The following LNX1 variants were observed in gnomAD, a reference collection of about 807,000 sequenced individuals.
The protein encoded by LNX1 is E3 ubiquitin-protein ligase LNX.
A neutral mutation model predicts 68.4 loss-of-function variants in LNX1; 54 were observed. The observed-to-expected ratio is 0.79, with a 90% CI of 0.63 to 0.99. LNX1 has a LOEUF of 0.99. LNX1 is among the 50% of genes least tolerant of loss of function. The pLI is 0.00. For synonymous variants in LNX1, 336 were observed against 350.0 expected, an observed-to-expected ratio of 0.96 and a Z score of 0.45; for missense variants, 906 against 926.4, an observed-to-expected ratio of 0.98 and a Z score of 0.29.
intron 1 of LNX1, among the ~76,000 whole-genome samples, chr4:53,645,651 C>T (rs957116486): frequency 3.1e-4 from 47 of 152,252 alleles, no homozygotes; most frequent in African/African-American, 1.1e-3. Context: ...GTTCATTCTC[C>T]CAAATACTCT....
At chr4:53,565,115 T>G (rs4256280) in intron 2 of LNX1, among the ~76,000 whole-genome samples, 88,220 of 151,160 alleles carry the variant, frequency 0.58, 26,129 homozygotes, top group Non-Finnish European at 0.63. Flanking sequence ...AAACAAAGCA[T>G]CCTGGAAGCT....
intron 2 of LNX1, among the ~76,000 whole-genome samples, chr4:53,570,914 C>A (rs1731115429): frequency 6.6e-6 from 1 of 151,604 alleles, no homozygotes; most frequent in Non-Finnish European, 1.5e-5. Context: ...GTAGTCCCAA[C>A]TACTCTGGAG....
At chr4:53,625,013 A>G (rs1300310162) in intron 1 of LNX1, among the ~76,000 whole-genome samples, 1 of 152,196 alleles carries the variant, frequency 6.6e-6, no homozygotes, top group Non-Finnish European at 1.5e-5. Context: ...TGTTTTAAAA[A>G]GATTTATATA....
At chr4:53,558,275 G>A in intron 2 of LNX1, 2 of 1,142,654 alleles carry the variant, frequency 1.8e-6, no homozygotes, top group Non-Finnish European at 2.2e-6. Context: ...GATGCGGACT[G>A]GTTCTTGGGA....
chr4:53,630,307 T>C (rs77649474), intron 1 of LNX1, among the ~76,000 whole-genome samples: 1 of 152,224 alleles, frequency 6.6e-6, no homozygotes, highest in Non-Finnish European at 1.5e-5. Flanking sequence ...AAAATTTTTT[T>C]GTAACCCCCA....
intron 6 of LNX1, among the ~76,000 whole-genome samples, chr4:53,485,677 C>T (rs551263166): frequency 1.6e-4 from 24 of 152,210 alleles, no homozygotes; most frequent in African/African-American, 5.3e-4. Context: ...AGGTGGAAAA[C>T]GGGCTAATAT....
chr4:53,508,383 A>ATCGG (rs1726082272), intron 2 of LNX1, 156 bp from the exon 3 acceptor site: 1 of 879,698 alleles, frequency 1.1e-6, no homozygotes, highest in South Asian at 1.8e-5. Context: ...CTTTTCACAC[A>ATCGG]TCGGTACTCA....
intron 1 of LNX1, among the ~76,000 whole-genome samples, chr4:53,625,833 C>G (rs1734050092): frequency 7.5e-6 from 1 of 132,928 alleles, no homozygotes; most frequent in Admixed American, 8.1e-5. Context: ...TATGACCCAG[C>G]AATTCCACCC....
chr4:53,587,381 G>A (rs1326584909), intron 1 of LNX1, among the ~76,000 whole-genome samples: 2 of 152,138 alleles, frequency 1.3e-5, no homozygotes, highest in Admixed American at 6.5e-5. Flanking sequence ...TATTAACCCA[G>A]GAACAGTGAC....
In LNX1 at chr4:53,573,750, G is replaced by T. The variant is rs1731313977; in HGVS notation, c.253C>A (p.Gln85Lys). ...CPMDRKPLVL[Q>K]HCKKSSILVN... ...AGGATGCTGGACTTCTTGCAGTGCT[G>T]CAGAACCAGAGGCTTGCGGTCCATG... Residue 85 changes from glutamine to lysine, a missense_variant, in exon 2 of 11, where the codon CAG (glutamine) becomes AAG (lysine). Transcript: ENST00000263925. 1.2e-6 allele frequency: 2 copies of T among 1,611,712 alleles called. No homozygotes were observed. The highest frequency in any genetic ancestry group is 3.4e-5 in the Admixed American group (2 of 59,668).
At chr4:53,574,208 G>T (rs1731347916) in intron 1 of LNX1, 120 bp from the exon 2 acceptor site, 3 of 798,504 alleles carry the variant, frequency 3.8e-6, no homozygotes, top group African/African-American at 3.5e-5. Flanking sequence ...AGAAAGCCAG[G>T]GTTGAGGGTC....
chr4:53,638,521 G>A (rs1734563909), intron 1 of LNX1, among the ~76,000 whole-genome samples: 1 of 152,164 alleles, frequency 6.6e-6, no homozygotes, highest in Non-Finnish European at 1.5e-5. Flanking sequence ...CAACAGTGAC[G>A]CTCTGGCTTC....
chr4:53,579,709 A>G (rs999241981), intron 1 of LNX1, among the ~76,000 whole-genome samples: 1 of 152,186 alleles, frequency 6.6e-6, no homozygotes, highest in Non-Finnish European at 1.5e-5. Flanking sequence ...CAGGTAACTC[A>G]TCAGAACAAT....
intron 1 of LNX1, among the ~76,000 whole-genome samples, chr4:53,586,876 T>G (rs1431753997): frequency 6.6e-6 from 1 of 152,256 alleles, no homozygotes; most frequent in Non-Finnish European, 1.5e-5. Context: ...GATACTGTGC[T>G]GGGTATTCAA....
chr4:53,609,152 A>C (rs188544110), intron 2 of LNX1, among the ~76,000 whole-genome samples: 12 of 152,288 alleles, frequency 7.9e-5, no homozygotes, highest in Admixed American at 4.6e-4. Flanking sequence ...AAAACAAGCA[A>C]TGGGGAAAGG....
rs1342589952 is a variant in LNX1, at chr4:53,590,130, G to A, written c.-87+1258C>T. 5.3e-5 allele frequency among the ~76,000 whole-genome samples: 8 copies of A among 152,236 alleles called. No individual in the cohort carries two copies. The East Asian group carries it at 1.5e-3, about 29-fold the overall frequency. ...AAAATAATAAACAAAGGTCAGTTAA[G>A]GAAGAACAATAGGGACCTCCAAACA... On this transcript the variant is annotated intron_variant, in intron 1 of 10. Coordinates refer to ENST00000263925, the MANE Select transcript of LNX1 (RefSeq NM_001126328.3).
chr4:53,468,154 T>C (rs1018258846), intron 9 of LNX1, among the ~76,000 whole-genome samples: 34 of 152,210 alleles, frequency 2.2e-4, no homozygotes, highest in African/African-American at 7.5e-4. Flanking sequence ...CGGCAGAAAC[T>C]CTACAAGCCA....
chr4:53,581,629 G>A (rs771267548), intron 1 of LNX1, among the ~76,000 whole-genome samples: 9 of 152,116 alleles, frequency 5.9e-5, no homozygotes, highest in African/African-American at 1.2e-4. Flanking sequence ...CAGGGGAACC[G>A]CCCTTTATAA....
At chr4:53,512,355 G>A (rs4864773) in intron 2 of LNX1, among the ~76,000 whole-genome samples, 24,605 of 138,822 alleles carry the variant, frequency 0.18, 3,740 homozygotes, top group African/African-American at 0.41. Flanking sequence ...CTCCAGAGAT[G>A]GCACATTCTA....
Sources: gnomAD v4.1 joint callset for allele counts (sites outside exome capture counted in the v4.1 genomes callset) on GRCh38, gnomAD v4.1.1 for gene constraint, MANE v1.5 for transcripts, NCBI Gene and HGNC (gene_info 2026-07-23, HGNC 2026-07-21) for gene names.